NRXN3: variants seen among roughly 807,000 people sequenced by gnomAD.
The protein encoded by NRXN3 is neurexin 3.
A neutral mutation model predicts 137.6 loss-of-function variants in NRXN3; 32 were observed. That is an observed-to-expected ratio of 0.23 (90% CI 0.18 to 0.31). The LOEUF (loss-of-function observed/expected upper bound fraction) is 0.31. Ranked by LOEUF, NRXN3 falls within the 10% of genes least tolerant of loss-of-function variation. NRXN3 has a pLI of 1.00. For missense variants in NRXN3, 1,574 were observed against 2,062.5 expected, an observed-to-expected ratio of 0.76 and a Z score of 4.59; for synonymous variants, 798 against 784.5, an observed-to-expected ratio of 1.02 and a Z score of -0.29.
chr14:79,166,261 G>A (rs2061277011), intron 15 of NRXN3, among the ~76,000 whole-genome samples: 1 of 151,838 alleles, frequency 6.6e-6, no homozygotes, highest in African/African-American at 2.4e-5. Context: ...TTAAAAAGTA[G>A]TACAAATGAT....
At chr14:79,245,524 T>C (rs993647405) in intron 15 of NRXN3, among the ~76,000 whole-genome samples, 1 of 152,098 alleles carries the variant, frequency 6.6e-6, no homozygotes. Context: ...GGTCAAGATA[T>C]TCATCTTTCC....
intron 19 of NRXN3, among the ~76,000 whole-genome samples, chr14:79,790,314 G>A (rs1162024308): frequency 7.3e-6 from 1 of 137,264 alleles, no homozygotes. Flanking sequence ...GGAGACAGGA[G>A]GAGGAGGCGC....
At chr14:78,303,316 A>G (rs541170384) in intron 4 of NRXN3, among the ~76,000 whole-genome samples, 1 of 152,112 alleles carries the variant, frequency 6.6e-6, no homozygotes, top group African/African-American at 2.4e-5. Flanking sequence ...AACAATTTAT[A>G]TGGAAGTTAA....
Position 79,347,223 on chromosome 14 carries a change from GAGA to G in NRXN3, c.3263-119995_3263-119993del, listed in dbSNP as rs552779412. Among the ~76,000 whole-genome samples, 408 of 151,978 alleles carry G rather than the reference GAGA, an allele frequency of 2.7e-3. 3 individuals are homozygous for G. The highest frequency in any genetic ancestry group is 9.1e-3 in the African/African-American group (377 of 41,466). On this transcript the variant is annotated intron_variant, in intron 15 of 20. Transcript: ENST00000335750. Reference sequence around the variant, plus strand: ...TAATTATTTTTCTTTAATTTTCTGAGAGAAGGTTTTTTTTTAATTTGGAGAAAT... The same window carrying G: ...TAATTATTTTTCTTTAATTTTCTGAGAGGTTTTTTTTTAATTTGGAGAAAT...
At chr14:79,006,600 G>A (rs1034249071) in intron 15 of NRXN3, among the ~76,000 whole-genome samples, 24 of 151,712 alleles carry the variant, frequency 1.6e-4, no homozygotes, top group Admixed American at 1.4e-3. Context: ...AATTAAAGAT[G>A]TTTTTAAGTT....
chr14:78,320,477 G>A (rs562194815), intron 4 of NRXN3, among the ~76,000 whole-genome samples: 9 of 152,206 alleles, frequency 5.9e-5, no homozygotes, highest in Admixed American at 3.9e-4. Context: ...CAGACATCTC[G>A]GCTTTGAGGA....
chr14:78,213,774 C>G (rs1230886903), intron 1 of NRXN3, among the ~76,000 whole-genome samples: 1 of 151,922 alleles, frequency 6.6e-6, no homozygotes, highest in African/African-American at 2.4e-5. Flanking sequence ...TAGGGGAGGG[C>G]CAGGCCACCC....
chr14:79,517,090 C>T (rs2096994274), intron 16 of NRXN3, among the ~76,000 whole-genome samples: 1 of 65,454 alleles, frequency 1.5e-5, no homozygotes, highest in African/African-American at 4.9e-5. Flanking sequence ...CACAAATGTA[C>T]AGCCCCCCCC....
chr14:79,841,690 C>T (rs2141464698), intron 20 of NRXN3, among the ~76,000 whole-genome samples: 1 of 152,280 alleles, frequency 6.6e-6, no homozygotes, highest in Non-Finnish European at 1.5e-5. Flanking sequence ...CAATGTTTGG[C>T]AGCTCTAGGT....
chr14:78,280,144 G>A (rs888949008), intron 3 of NRXN3, among the ~76,000 whole-genome samples: 2 of 152,074 alleles, frequency 1.3e-5, no homozygotes, highest in African/African-American at 4.8e-5. Flanking sequence ...CTAGGCCATG[G>A]GGACAAAACA....
intron 15 of NRXN3, among the ~76,000 whole-genome samples, chr14:79,365,333 ATTT>A (rs1599225073): frequency 6.6e-6 from 1 of 152,112 alleles, no homozygotes; most frequent in Admixed American, 6.6e-5. Flanking sequence ...CTGATGTTTC[ATTT>A]TTTATTTCTT....
chr14:78,553,133 G>A (rs1364203199), intron 4 of NRXN3, among the ~76,000 whole-genome samples: 2 of 152,106 alleles, frequency 1.3e-5, no homozygotes, highest in Admixed American at 1.3e-4. Context: ...AATGTCTGTA[G>A]GCAGAGCTTT....
rs75447669 is a variant in NRXN3, at chr14:79,102,340, A to T, written c.3262+114199A>T. Among the ~76,000 whole-genome samples, 369 of 152,266 alleles carry T rather than the reference A, an allele frequency of 2.4e-3. 2 individuals are homozygous for T. The highest frequency in any genetic ancestry group is 8.1e-3 in the African/African-American group (335 of 41,560). ...ATAAAGAAAATGCTACTTCAATTTT[A>T]TATTTTTCTTGTTATCTCACCCTGC... On this transcript the variant is annotated intron_variant, in intron 15 of 20. Transcript: ENST00000335750.
intron 15 of NRXN3, among the ~76,000 whole-genome samples, chr14:79,323,229 A>G (rs964129500): frequency 3.3e-5 from 5 of 152,194 alleles, no homozygotes; most frequent in African/African-American, 9.6e-5. Flanking sequence ...TTTAGTAGCA[A>G]CAAGCTCTCA....
At chr14:79,026,090 A>T (rs977391947) in intron 15 of NRXN3, among the ~76,000 whole-genome samples, 8 of 152,138 alleles carry the variant, frequency 5.3e-5, no homozygotes, top group Admixed American at 2.0e-4. Flanking sequence ...TTGAGCTTTT[A>T]AGCTTGTATA....
chr14:79,075,271 A>C (rs529499516), intron 15 of NRXN3, among the ~76,000 whole-genome samples: 1 of 152,268 alleles, frequency 6.6e-6, no homozygotes, highest in African/African-American at 2.4e-5. Flanking sequence ...AAGTGTATAC[A>C]TGGGTTAGGA....
chr14:78,752,425 A>G (rs1000222813), intron 8 of NRXN3, among the ~76,000 whole-genome samples: 7 of 152,206 alleles, frequency 4.6e-5, no homozygotes, highest in Non-Finnish European at 1.0e-4. Flanking sequence ...TTAAAAAAGT[A>G]TTTTGAAAGA....
chr14:79,395,174 C>G (rs1291922144), intron 15 of NRXN3, among the ~76,000 whole-genome samples: 1 of 152,142 alleles, frequency 6.6e-6, no homozygotes, highest in East Asian at 1.9e-4. Flanking sequence ...GAAATATTCC[C>G]TTTACAAAGA....
intron 16 of NRXN3, among the ~76,000 whole-genome samples, chr14:79,636,562 A>C (rs1034273391): frequency 1.1e-4 from 17 of 152,180 alleles, no homozygotes; most frequent in African/African-American, 3.9e-4. Context: ...CAGGGCAAAA[A>C]CACAGAGACC....
Sources: gnomAD v4.1 joint callset for allele counts (sites outside exome capture counted in the v4.1 genomes callset) on GRCh38, gnomAD v4.1.1 for gene constraint, MANE v1.5 for transcripts, NCBI Gene and HGNC (gene_info 2026-07-23, HGNC 2026-07-21) for gene names.